PI4K2B: variants seen among roughly 807,000 people sequenced by gnomAD.
The protein encoded by PI4K2B is phosphatidylinositol 4-kinase type 2-beta.
A neutral mutation model predicts 56.6 loss-of-function variants in PI4K2B; 46 were observed. That is an observed-to-expected ratio of 0.81 (90% confidence interval 0.64 to 1.04). The LOEUF is 1.04. PI4K2B is among the 50% of genes least tolerant of loss of function. The probability of loss-of-function intolerance (pLI) is 0.00; values close to 1 mark genes in which losing one functional copy is unlikely to be tolerated. For synonymous variants in PI4K2B, 211 were observed against 223.8 expected, an observed-to-expected ratio of 0.94 and a Z score of 0.51; for missense variants, 556 against 607.7, an observed-to-expected ratio of 0.91 and a Z score of 0.89.
intron 7 of PI4K2B, among the ~76,000 whole-genome samples, chr4:25,264,742 A>C (rs1716603938): frequency 6.6e-6 from 1 of 151,728 alleles, no homozygotes; most frequent in Non-Finnish European, 1.5e-5. Context: ...GTGGTGGCCG[A>C]TGCCTGTAGT....
intron 6 of PI4K2B, 21 bp downstream of exon 6, chr4:25,260,612 A>ATT (rs1363591420): frequency 4.6e-6 from 1 of 218,764 alleles, no homozygotes; most frequent in Non-Finnish European, 8.0e-6. Context: ...TTACAATTTT[A>ATT]TATATATATA....
rs778127770 is a variant in PI4K2B, at chr4:25,259,203, T to A, written c.910+13T>A. 6.8e-7 allele frequency: 1 copy of A among 1,468,938 alleles called. No individual in the cohort carries two copies. Among genetic ancestry groups the A allele is most frequent in the Non-Finnish European group, 9.4e-7 (1 of 1,064,978 alleles). 91.0% of individuals were successfully genotyped at this position (1,468,938 alleles called of 1,614,324 possible). On this transcript the variant is annotated intron_variant, in intron 5 of 9. Transcript: ENST00000264864. The stretch of plus-strand genomic sequence containing the variant: ...ATCAGAAATACAGGTATTGAAGTTC[T>A]CTCATTTGTTCACGTAAATCTTGTT...
intron 1 of PI4K2B, among the ~76,000 whole-genome samples, chr4:25,241,877 C>T (rs892892138): frequency 6.6e-6 from 1 of 152,184 alleles, no homozygotes; most frequent in African/African-American, 2.4e-5. Context: ...GGAGCTTGTA[C>T]TAGGGCCTGC....
At chr4:25,264,476 G>T (rs1021828868) in intron 7 of PI4K2B, among the ~76,000 whole-genome samples, 1 of 145,888 alleles carries the variant, frequency 6.9e-6, no homozygotes, top group African/African-American at 2.6e-5. Flanking sequence ...TTGGTGGTGT[G>T]GACCAGGAGG....
intron 1 of PI4K2B, among the ~76,000 whole-genome samples, chr4:25,249,277 C>A (rs538500769): frequency 6.6e-6 from 1 of 152,136 alleles, no homozygotes; most frequent in Non-Finnish European, 1.5e-5. Context: ...CTTATCTATT[C>A]GACAAAACCG....
chr4:25,276,832 CGCGTGTGTGTGT>C (rs1437277502), intron 9 of PI4K2B, 170 bp from the exon 10 acceptor site: 4 of 935,714 alleles, frequency 4.3e-6, no homozygotes, highest in Middle Eastern at 5.4e-4. Context: ...TGTGTGTGTG[CGCGTGTGTGTGT>C]AAACATACAT....
chr4:25,246,640 G>A (rs2109090346), intron 1 of PI4K2B, among the ~76,000 whole-genome samples: 1 of 152,362 alleles, frequency 6.6e-6, no homozygotes. Context: ...TCAGCCCTTG[G>A]GCAGTTGATG....
intron 6 of PI4K2B, among the ~76,000 whole-genome samples, chr4:25,261,261 T>C (rs1340368860): frequency 6.6e-6 from 1 of 152,158 alleles, no homozygotes; most frequent in African/African-American, 2.4e-5. Flanking sequence ...ACATGTGTGC[T>C]TAACCTGTGA....
intron 1 of PI4K2B, among the ~76,000 whole-genome samples, chr4:25,246,156 G>T (rs978533784): frequency 6.6e-6 from 1 of 152,104 alleles, no homozygotes; most frequent in Non-Finnish European, 1.5e-5. Flanking sequence ...CAAAGAGTGA[G>T]CAGCAGCAAG....
At chr4:25,263,105 G>A (rs1040187371) in intron 6 of PI4K2B, among the ~76,000 whole-genome samples, 10 of 152,114 alleles carry the variant, frequency 6.6e-5, no homozygotes, top group African/African-American at 2.4e-4. Flanking sequence ...TCACTGTCAC[G>A]AGAACAGCAT....
chr4:25,234,048 C>T lies in PI4K2B; in HGVS notation c.-116C>T. 1 of 914,030 alleles carries T rather than the reference C, an allele frequency of 1.1e-6. No individual in the cohort carries two copies. The highest frequency in any genetic ancestry group is 1.7e-5 in the African/African-American group (1 of 58,274). 56.6% of individuals were successfully genotyped at this position (914,030 alleles called of 1,614,324 possible). A position where few individuals can be genotyped will look rare whatever the true frequency, so the allele number is the denominator to read the frequency against. On this transcript the variant is annotated 5_prime_UTR_variant, in exon 1 of 10. Transcript: ENST00000264864. ...GGCGGGCGCCAAGCGTGCCCGTGCG[C>T]TGGTGAGGTGGCGTCCGTTCTACCC...
chr4:25,260,641 TACACAC>T (rs746438409), intron 6 of PI4K2B, 50 bp downstream of exon 6: 66 of 69,438 alleles, frequency 9.5e-4, no homozygotes, highest in East Asian at 3.2e-3. Context: ...TATATATATA[TACACAC>T]ACACACACAC....
At chr4:25,253,905 G>A (rs1319673006) in intron 2 of PI4K2B, among the ~76,000 whole-genome samples, 3 of 152,138 alleles carry the variant, frequency 2.0e-5, no homozygotes, top group Non-Finnish European at 4.4e-5. Flanking sequence ...CTGAGTAGCC[G>A]GGATTACAGG....
chr4:25,240,535 G>A (rs1715471770), intron 1 of PI4K2B, among the ~76,000 whole-genome samples: 1 of 152,106 alleles, frequency 6.6e-6, no homozygotes, highest in African/African-American at 2.4e-5. Flanking sequence ...AGCTTTGAGG[G>A]GTACTGATAG....
At position 25,246,804 on chromosome 4, in the gene PI4K2B, C is replaced by T. The variant is rs139133486; in HGVS notation, c.269-5517C>T. Among the ~76,000 whole-genome samples the T allele has an allele frequency of 4.5e-3, 690 of 152,304 alleles. 2 individuals are homozygous for T. The highest frequency in any genetic ancestry group is 0.024 in the Middle Eastern group (7 of 294). Reference sequence around the variant, plus strand: ...AGCTAAGGCCCTGCGAGAAATTGAGCGCAGCGCTGGCCCAGGGGGACCCAG... The same window carrying T: ...AGCTAAGGCCCTGCGAGAAATTGAGTGCAGCGCTGGCCCAGGGGGACCCAG... On this transcript the variant is annotated intron_variant, in intron 1 of 9. Coordinates refer to ENST00000264864, the MANE Select transcript of PI4K2B (RefSeq NM_018323.4).
At chr4:25,249,431 G>A (rs1482731647) in intron 1 of PI4K2B, among the ~76,000 whole-genome samples, 5 of 145,662 alleles carry the variant, frequency 3.4e-5, no homozygotes, top group African/African-American at 4.9e-5. Flanking sequence ...GCGGCTGGCC[G>A]GGCGGGGGCT....
intron 7 of PI4K2B, among the ~76,000 whole-genome samples, chr4:25,265,389 C>A (rs1386604803): frequency 4.0e-5 from 6 of 151,824 alleles, no homozygotes; most frequent in Non-Finnish European, 8.8e-5. Flanking sequence ...ATAGATCAGG[C>A]TTTTAGTTTG....
intron 9 of PI4K2B, among the ~76,000 whole-genome samples, chr4:25,271,228 T>G (rs1043259551): frequency 1.3e-5 from 2 of 152,194 alleles, no homozygotes; most frequent in African/African-American, 4.8e-5. Context: ...AACACCAGAC[T>G]GTAGATTCCA....
intron 1 of PI4K2B, among the ~76,000 whole-genome samples, chr4:25,252,082 C>G (rs939582323): frequency 2.0e-5 from 3 of 152,214 alleles, no homozygotes; most frequent in African/African-American, 7.2e-5. Context: ...TCGCCTCAGC[C>G]TCCTAAAGTG....
Sources: gnomAD v4.1 joint callset for allele counts (sites outside exome capture counted in the v4.1 genomes callset) on GRCh38, gnomAD v4.1.1 for gene constraint, MANE v1.5 for transcripts, NCBI Gene and HGNC (gene_info 2026-07-23, HGNC 2026-07-21) for gene names.